Variants in FAM107B observed in about 807,000 individuals in gnomAD.
The protein encoded by FAM107B is protein FAM107B.
In FAM107B, 21 loss-of-function variants were observed where a neutral mutation model predicts 31.5. That is an observed-to-expected ratio of 0.67 (90% CI 0.47 to 0.96). FAM107B has a LOEUF of 0.96. Among genes scored for constraint, FAM107B ranks in the 40% least tolerant of loss-of-function variants. The pLI is 0.00. For missense variants in FAM107B, 452 were observed against 377.1 expected, an observed-to-expected ratio of 1.20 and a Z score of -1.64; for synonymous variants, 157 against 141.5, an observed-to-expected ratio of 1.11 and a Z score of -0.78.
chr10:14,532,951 T>C (rs1847184536), intron 2 of FAM107B, among the ~76,000 whole-genome samples: 2 of 151,726 alleles, frequency 1.3e-5, no homozygotes, highest in Admixed American at 1.3e-4. Context: ...GGCCACAGGG[T>C]AGGAGGGTGC....
chr10:14,612,912 T>C (rs1435669360), intron 2 of FAM107B, among the ~76,000 whole-genome samples: 1 of 152,186 alleles, frequency 6.6e-6, no homozygotes, highest in African/African-American at 2.4e-5. Context: ...TAAAAATTCC[T>C]AGAAAAATAC....
At chr10:14,531,653 C>T (rs759798267) in intron 2 of FAM107B, among the ~76,000 whole-genome samples, 1 of 151,732 alleles carries the variant, frequency 6.6e-6, no homozygotes, top group Non-Finnish European at 1.5e-5. Flanking sequence ...ACCAGCCTGG[C>T]CAATATGATG....
chr10:14,628,112 G>GTTTGTTTTTTTTTTTTTTTTT (rs1853214089), intron 2 of FAM107B, among the ~76,000 whole-genome samples: 1 of 92,688 alleles, frequency 1.1e-5, no homozygotes, highest in African/African-American at 3.9e-5. Context: ...TGTTTTGCTG[G>GTTTGTTTTTTTTTTTTTTTTT]TTTTTTTTTT....
At chr10:14,532,862 T>G (rs1847168319) in intron 2 of FAM107B, among the ~76,000 whole-genome samples, 1 of 152,166 alleles carries the variant, frequency 6.6e-6, no homozygotes, top group South Asian at 2.1e-4. Context: ...CTTGACCTCG[T>G]TATTACATTT....
chr10:14,706,947 A>T (rs754044254), intron 1 of FAM107B, among the ~76,000 whole-genome samples: 1 of 152,144 alleles, frequency 6.6e-6, no homozygotes. Flanking sequence ...TAACACGGTG[A>T]AACCCCGTAT....
intron 2 of FAM107B, among the ~76,000 whole-genome samples, chr10:14,629,817 A>C (rs564015166): frequency 1.3e-4 from 20 of 151,850 alleles, no homozygotes; most frequent in African/African-American, 3.6e-4. Flanking sequence ...TGGCCCATAA[A>C]AATAATTTTT....
rs1429015476 is a variant in FAM107B at position 14,521,841 on chromosome 10, A to C, written c.804+28T>G. On this transcript the variant is annotated intron_variant, in intron 4 of 4. Transcript: ENST00000181796. The stretch of plus-strand genomic sequence containing the variant: ...ACATTCTTCAAGACAAAAACAAAAA[A>C]AGACAGCTTCCAGCCAATCCCCCTT... 5 of 1,602,474 alleles carry C rather than the reference A, an allele frequency of 3.1e-6. 1 individual carries two copies. In the African/African-American group the frequency reaches 4.1e-5, roughly 13 times the overall value.
At chr10:14,753,724 C>G (rs1027405536) in intron 1 of FAM107B, among the ~76,000 whole-genome samples, 1 of 152,090 alleles carries the variant, frequency 6.6e-6, no homozygotes, top group African/African-American at 2.4e-5. Flanking sequence ...ATCTGTTCTT[C>G]CATGAGAATG....
At chr10:14,632,168 T>G (rs763771693) in intron 2 of FAM107B, among the ~76,000 whole-genome samples, 24 of 151,728 alleles carry the variant, frequency 1.6e-4, no homozygotes, top group Non-Finnish European at 2.4e-4. Flanking sequence ...CATGGTGGCG[T>G]GCACTTATAA....
intron 1 of FAM107B, among the ~76,000 whole-genome samples, chr10:14,707,782 C>T (rs1855555292): frequency 6.6e-6 from 1 of 152,190 alleles, no homozygotes; most frequent in South Asian, 2.1e-4. Flanking sequence ...CCAACTCCCA[C>T]TTCATCATAC....
intron 2 of FAM107B, among the ~76,000 whole-genome samples, chr10:14,641,969 T>C (rs1408633956): frequency 4.6e-5 from 7 of 152,184 alleles, no homozygotes; most frequent in Non-Finnish European, 1.0e-4. Flanking sequence ...CAGATATGAG[T>C]GAAATTTGAG....
intron 2 of FAM107B, among the ~76,000 whole-genome samples, chr10:14,541,379 T>G (rs1025459584): frequency 6.6e-6 from 1 of 152,162 alleles, no homozygotes; most frequent in African/African-American, 2.4e-5. Context: ...CCTTTACAAA[T>G]GTGTGGTTCT....
rs149868799 is a variant in FAM107B at position 14,681,320 on chromosome 10, T to A, written c.412-13629A>T. On this transcript the variant is annotated intron_variant, in intron 1 of 4. Transcript: ENST00000181796. ...ATCACCGTTGCAAAGGAGGCAGGTA[T>A]GGTCTGATGCTCAGACAATATCATC... 3.4e-4 allele frequency among the ~76,000 whole-genome samples: 52 copies of A among 152,326 alleles called. No individual in the cohort carries two copies. The East Asian group carries it at 8.3e-3, about 24-fold the overall frequency.
At chr10:14,700,849 AAAACGC>A (rs1855382387) in intron 1 of FAM107B, among the ~76,000 whole-genome samples, 3 of 111,422 alleles carry the variant, frequency 2.7e-5, no homozygotes, top group African/African-American at 7.5e-5. Flanking sequence ...AAAAAAAAAA[AAAACGC>A]ACTAGGGTGA....
chr10:14,624,194 T>A (rs908043511), intron 2 of FAM107B, among the ~76,000 whole-genome samples: 1 of 152,146 alleles, frequency 6.6e-6, no homozygotes, highest in Non-Finnish European at 1.5e-5. Context: ...ATCTATTAAC[T>A]ATACAAACAA....
intron 2 of FAM107B, among the ~76,000 whole-genome samples, chr10:14,651,809 G>C (rs1853907169): frequency 6.6e-6 from 1 of 152,164 alleles, no homozygotes; most frequent in Non-Finnish European, 1.5e-5. Flanking sequence ...GGTAAAGCCT[G>C]GACACAGAAA....
intron 1 of FAM107B, among the ~76,000 whole-genome samples, chr10:14,700,249 A>T (rs1258961666): frequency 6.6e-6 from 1 of 152,104 alleles, no homozygotes; most frequent in African/African-American, 2.4e-5. Context: ...CCCTTTTTAA[A>T]AAGCAGCACT....
intron 2 of FAM107B, among the ~76,000 whole-genome samples, chr10:14,608,157 C>T (rs542668912): frequency 2.6e-5 from 4 of 152,192 alleles, no homozygotes; most frequent in African/African-American, 9.6e-5. Context: ...CTGAAGAGCT[C>T]CAAAGAGATG....
chr10:14,530,215 T>TTAACAAAG, intron 3 of FAM107B, 117 bp downstream of exon 3: 1 of 1,148,974 alleles, frequency 8.7e-7, no homozygotes, highest in Non-Finnish European at 1.2e-6. Context: ...TAAGAAAGCC[T>TTAACAAAG]TAACAAAGTG....
Sources: allele counts gnomAD v4.1 joint callset (sites outside exome capture counted in the v4.1 genomes callset), GRCh38; gene constraint gnomAD v4.1.1; transcripts MANE v1.5; gene names NCBI Gene and HGNC (gene_info 2026-07-23, HGNC 2026-07-21).